Variants in PTCHD4 observed in about 807,000 individuals in gnomAD.
PTCHD4 encodes the protein patched domain-containing protein 4.
Under a neutral mutation model 58.1 loss-of-function variants are expected in PTCHD4, and 33 were observed. That is an observed-to-expected ratio of 0.57 (90% CI 0.43 to 0.76). The LOEUF (loss-of-function observed/expected upper bound fraction) is 0.76. PTCHD4 is among the 30% of genes least tolerant of loss of function. PTCHD4 has a pLI of 0.00. For synonymous variants in PTCHD4, 478 were observed against 409.6 expected (o/e 1.17, Z -2.02); for missense variants, 1,058 against 1,027.1 (o/e 1.03, Z -0.41).
At chr6:47,964,483 T>C (rs961331563) in intron 4 of PTCHD4, among the ~76,000 whole-genome samples, 10 of 152,186 alleles carry the variant, frequency 6.6e-5, no homozygotes, top group Non-Finnish European at 1.5e-4. Context: ...GAACCTCATA[T>C]GGACCTGCCT....
chr6:48,099,179 G>A (rs550876227), intron 1 of PTCHD4, among the ~76,000 whole-genome samples: 1 of 152,280 alleles, frequency 6.6e-6, no homozygotes, highest in Non-Finnish European at 1.5e-5. Flanking sequence ...ACTTGGAGAG[G>A]GCTTTTCAAA....
chr6:48,091,342 T>C (rs1765362214), intron 1 of PTCHD4, among the ~76,000 whole-genome samples: 1 of 152,014 alleles, frequency 6.6e-6, no homozygotes, highest in African/African-American at 2.4e-5. Context: ...CTCATAGTAG[T>C]AGTATTCAAA....
chr6:47,942,996 C>A (rs564876252), intron 4 of PTCHD4, among the ~76,000 whole-genome samples: 5 of 152,254 alleles, frequency 3.3e-5, no homozygotes, highest in East Asian at 1.9e-4. Context: ...TGTGGCATAA[C>A]CCCTCCGTAT....
chr6:48,085,147 T>C (rs1765239227), intron 1 of PTCHD4, among the ~76,000 whole-genome samples: 1 of 152,114 alleles, frequency 6.6e-6, no homozygotes, highest in Non-Finnish European at 1.5e-5. Flanking sequence ...GTTGATGGTA[T>C]GGTTCAATAG....
At chr6:47,961,442 C>T (rs950768316) in intron 4 of PTCHD4, among the ~76,000 whole-genome samples, 1 of 151,894 alleles carries the variant, frequency 6.6e-6, no homozygotes, top group Non-Finnish European at 1.5e-5. Flanking sequence ...CAGGTGCCCA[C>T]TACCCATGCC....
chr6:48,031,293 C>T (rs1424649807), intron 3 of PTCHD4, among the ~76,000 whole-genome samples: 1 of 152,050 alleles, frequency 6.6e-6, no homozygotes, highest in African/African-American at 2.4e-5. Context: ...GCCCCCTTAT[C>T]CCTATGTTGC....
chr6:48,092,724 A>T lies in PTCHD4; in HGVS notation c.-970+18325T>A, dbSNP rs548492511. 3.9e-5 allele frequency among the ~76,000 whole-genome samples: 6 copies of T among 152,264 alleles called. No individual in the cohort carries two copies. The South Asian group carries it at 1.2e-3, about 32-fold the overall frequency. On this transcript the variant is annotated intron_variant, in intron 1 of 4. Transcript: ENST00000339488. The stretch of plus-strand genomic sequence containing the variant: ...TCAGGACAGGACAGGTTTAGCATAA[A>T]ACGTCATGGGGAATACACTGTGCAA...
rs181455238 is a variant in PTCHD4, at chr6:47,902,375, C to T, written c.899-22439G>A. Reference sequence around the variant, plus strand: ...AATACTTAAATAAGAATTCAAGATACTTTGAAGGCACTTTAAAATAGGAAA... The same window carrying T: ...AATACTTAAATAAGAATTCAAGATATTTTGAAGGCACTTTAAAATAGGAAA... On this transcript the variant is annotated intron_variant, in intron 4 of 4. Transcript: ENST00000339488. Among the ~76,000 whole-genome samples the T allele has an allele frequency of 1.3e-3, 197 of 152,214 alleles. 2 individuals carry two copies. The highest frequency in any genetic ancestry group is 4.1e-3 in the African/African-American group (170 of 41,540).
chr6:48,030,225 A>T (rs1389912832), intron 3 of PTCHD4, among the ~76,000 whole-genome samples: 1 of 152,148 alleles, frequency 6.6e-6, no homozygotes, highest in African/African-American at 2.4e-5. Flanking sequence ...CATATTTTGC[A>T]ACTATATTAG....
In PTCHD4 at chr6:47,859,189, C is replaced by G. The variant is rs1029652571; in HGVS notation, c.*19114G>C. 6.6e-6 allele frequency among the ~76,000 whole-genome samples: 1 copy of G among 152,034 alleles called. No homozygotes were observed. The highest frequency in any genetic ancestry group is 1.5e-5 in the Non-Finnish European group (1 of 67,990). ...CTTTTACTTCTTTAAGCCTGAGAAG[C>G]AGCAGGCTACCAATTGCTCCCATTT... On this transcript the variant is annotated 3_prime_UTR_variant, in exon 5 of 5. Transcript: ENST00000339488.
chr6:48,050,155 T>C lies in PTCHD4; in HGVS notation c.417+18075A>G, dbSNP rs537055322. Among the ~76,000 whole-genome samples the C allele has an allele frequency of 2.0e-5, 3 of 152,080 alleles. No individual in the cohort carries two copies. The South Asian group carries it at 6.2e-4, about 31-fold the overall frequency. On this transcript the variant is annotated intron_variant, in intron 3 of 4. Coordinates refer to ENST00000339488, the MANE Select transcript of PTCHD4 (RefSeq NM_001384253.1). Reference sequence around the variant, plus strand: ...GAAATAGTTTTATAATAGAGAAGTGTCACGATATTAGTCAGGTTTATTAGG... The same window carrying C: ...GAAATAGTTTTATAATAGAGAAGTGCCACGATATTAGTCAGGTTTATTAGG...
intron 1 of PTCHD4, among the ~76,000 whole-genome samples, chr6:48,089,808 T>C (rs184390099): frequency 1.3e-5 from 2 of 152,338 alleles, no homozygotes; most frequent in African/African-American, 4.8e-5. Flanking sequence ...CATGTGTGTC[T>C]CATCTTATGC....
intron 4 of PTCHD4, among the ~76,000 whole-genome samples, chr6:47,996,761 A>C (rs1768503534): frequency 6.6e-6 from 1 of 152,224 alleles, no homozygotes. Context: ...GAAAAGGTAC[A>C]ACTTTTAAAC....
rs764256595 is a variant in PTCHD4 at position 48,008,740 on chromosome 6, C to T, written c.792G>A (p.Leu264=). The T allele has an allele frequency of 1.2e-5, 20 of 1,613,792 alleles. No homozygotes were observed. The highest frequency in any genetic ancestry group is 1.4e-5 in the Non-Finnish European group (17 of 1,179,892). ...TGGAGATGCATACTGTGAGCACCCC[C>T]AGGAGGCCCAGGAAGGGCTTACTGC... ...CLRSKPFLGL[L]GVLTVCISII... is the part of the protein sequence containing the mutation. Residue 264 remains leucine, a synonymous_variant, in exon 4 of 5, where the codon CTG becomes CTA. Transcript: ENST00000339488.
chr6:47,978,909 A>C (rs1262405418), intron 4 of PTCHD4, among the ~76,000 whole-genome samples: 1 of 152,152 alleles, frequency 6.6e-6, no homozygotes, highest in Non-Finnish European at 1.5e-5. Context: ...AATAACCAGA[A>C]TGAATATTCT....
intron 4 of PTCHD4, among the ~76,000 whole-genome samples, chr6:47,931,793 A>G (rs1354077101): frequency 6.6e-6 from 1 of 151,616 alleles, no homozygotes; most frequent in East Asian, 1.9e-4. Context: ...GGTAATGATT[A>G]TGCTCATCTC....
chr6:48,039,294 A>T (rs1763758406), intron 3 of PTCHD4, among the ~76,000 whole-genome samples: 1 of 152,190 alleles, frequency 6.6e-6, no homozygotes, highest in Non-Finnish European at 1.5e-5. Flanking sequence ...AGCAAGGAAC[A>T]TATACTATAG....
intron 1 of PTCHD4, among the ~76,000 whole-genome samples, chr6:48,076,115 G>A (rs1337058821): frequency 1.3e-5 from 2 of 152,168 alleles, no homozygotes; most frequent in African/African-American, 4.8e-5. Flanking sequence ...TATATTCACA[G>A]CACTTTCACC....
chr6:47,958,455 G>A (rs906487568), intron 4 of PTCHD4, among the ~76,000 whole-genome samples: 1 of 152,242 alleles, frequency 6.6e-6, no homozygotes, highest in Non-Finnish European at 1.5e-5. Flanking sequence ...CCCTGAGAAC[G>A]GGAAACAAAT....
Sources: allele counts gnomAD v4.1 joint callset (sites outside exome capture counted in the v4.1 genomes callset), GRCh38; gene constraint gnomAD v4.1.1; transcripts MANE v1.5; gene names NCBI Gene and HGNC (gene_info 2026-07-23, HGNC 2026-07-21).